Variants in WASHC3 observed in about 807,000 individuals in gnomAD.
WASHC3 encodes WASH complex subunit 3.
In WASHC3, 24 loss-of-function variants were observed where a neutral mutation model predicts 26.1. The observed-to-expected ratio is 0.92, with a 90% confidence interval of 0.66 to 1.29. WASHC3 has a LOEUF of 1.29. WASHC3 is among the 50% of genes most tolerant of loss of function. WASHC3 has a pLI of 0.00. For missense variants in WASHC3, 214 were observed against 229.6 expected (o/e 0.93, Z 0.44); for synonymous variants, 77 against 75.7 (o/e 1.02, Z -0.09).
At chr12:102,058,269 G>T (rs1204627388) in intron 2 of WASHC3, among the ~76,000 whole-genome samples, 4 of 151,994 alleles carry the variant, frequency 2.6e-5, no homozygotes, top group Admixed American at 1.3e-4. Flanking sequence ...AACACGAAAA[G>T]GATTCAAGAT....
At chr12:102,015,033 C>T (rs1174973306) in intron 6 of WASHC3, among the ~76,000 whole-genome samples, 5 of 152,098 alleles carry the variant, frequency 3.3e-5, no homozygotes, top group African/African-American at 9.7e-5. Context: ...CCAGGGATGT[C>T]GATTCATGCC....
At position 102,013,087 on chromosome 12, in the gene WASHC3, T is replaced by G. The variant is rs773159081; in HGVS notation, c.*21A>C. The G allele has an allele frequency of 9.5e-5, 105 of 1,111,064 alleles. No individual in the cohort carries two copies. Among genetic ancestry groups the G allele is most frequent in the Non-Finnish European group, 1.4e-4 (102 of 749,672 alleles). The allele number at this position is 1,111,064 out of a possible 1,614,324, so 68.8% of individuals were successfully genotyped here. A position where few individuals can be genotyped will look rare whatever the true frequency, so the allele number is the denominator to read the frequency against. ...AAATGTACCCCTATGCATGCATATG[T>G]AATTCTTATCAAAATTAAGCTTAAT... is the stretch of plus-strand genomic sequence containing the variant. On this transcript the variant is annotated 3_prime_UTR_variant, in exon 7 of 7. Transcript: ENST00000240079.
intron 6 of WASHC3, among the ~76,000 whole-genome samples, chr12:102,020,084 G>C (rs993713715): frequency 2.0e-5 from 3 of 152,142 alleles, no homozygotes; most frequent in East Asian, 1.9e-4. Flanking sequence ...TCGAGGAAAG[G>C]CACACAATTC....
intron 2 of WASHC3, among the ~76,000 whole-genome samples, chr12:102,051,898 AGTT>A (rs1878407593): frequency 6.6e-6 from 1 of 152,228 alleles, no homozygotes; most frequent in Admixed American, 6.5e-5. Flanking sequence ...AATAAATATT[AGTT>A]GTTATCTCAT....
intron 6 of WASHC3, among the ~76,000 whole-genome samples, chr12:102,017,387 G>GA (rs1421879374): frequency 6.6e-6 from 1 of 152,088 alleles, no homozygotes; most frequent in Non-Finnish European, 1.5e-5. Flanking sequence ...TGTGTGAAAA[G>GA]AAAAAATAGT....
intron 6 of WASHC3, among the ~76,000 whole-genome samples, chr12:102,025,345 G>C (rs1403024792): frequency 6.6e-6 from 1 of 151,846 alleles, no homozygotes; most frequent in Non-Finnish European, 1.5e-5. Context: ...GAAATAAACT[G>C]TTGTCAAATT....
intron 1 of WASHC3, among the ~76,000 whole-genome samples, chr12:102,061,596 AAC>A (rs1196965853): frequency 6.6e-6 from 1 of 152,180 alleles, no homozygotes; most frequent in Non-Finnish European, 1.5e-5. Flanking sequence ...ACCACACATA[AAC>A]ACACACAAAA....
intron 5 of WASHC3, among the ~76,000 whole-genome samples, chr12:102,037,121 T>C (rs1010794223): frequency 6.6e-6 from 1 of 152,304 alleles, no homozygotes; most frequent in South Asian, 2.1e-4. Flanking sequence ...CAGGAACTTA[T>C]ATTTTGGAAG....
At chr12:102,033,525 T>C (rs1054582382) in intron 5 of WASHC3, among the ~76,000 whole-genome samples, 4 of 152,248 alleles carry the variant, frequency 2.6e-5, no homozygotes, top group Non-Finnish European at 4.4e-5. Flanking sequence ...ACTCTTCTTA[T>C]GGGGCAGTAA....
At chr12:102,052,281 G>A (rs2136685519) in intron 2 of WASHC3, among the ~76,000 whole-genome samples, 1 of 152,328 alleles carries the variant, frequency 6.6e-6, no homozygotes, top group South Asian at 2.1e-4. Flanking sequence ...GGGCGAAGGA[G>A]AGGCAGTGAG....
rs934597883 is a variant in WASHC3, at chr12:102,033,360, A to G, written c.435+6508T>C. On this transcript the variant is annotated intron_variant, in intron 5 of 6. Coordinates refer to ENST00000240079, the MANE Select transcript of WASHC3 (RefSeq NM_016053.4). The stretch of plus-strand genomic sequence containing the variant: ...GTCTTGAAAAACACAATTCTATCCT[A>G]TTACAGAAGACAAAAATCGTTCTAA... 2.6e-5 allele frequency among the ~76,000 whole-genome samples: 4 copies of G among 152,204 alleles called. No homozygotes were observed. The East Asian group carries it at 7.7e-4, about 29-fold the overall frequency.
chr12:102,014,655 T>C (rs1366929541), intron 6 of WASHC3, among the ~76,000 whole-genome samples: 1 of 152,178 alleles, frequency 6.6e-6, no homozygotes, highest in African/African-American at 2.4e-5. Flanking sequence ...AATTTTAGAT[T>C]ATATCTACAA....
chr12:102,039,274 C>CT (rs374772365), intron 5 of WASHC3, among the ~76,000 whole-genome samples: 26 of 151,828 alleles, frequency 1.7e-4, no homozygotes, highest in African/African-American at 4.8e-4. Flanking sequence ...CTGCGCCAGG[C>CT]TTTAACTGTT....
At chr12:102,053,174 GCACCAGGCCCACCTTGGAACCTGGCCAGA>G (rs1878460878) in intron 2 of WASHC3, among the ~76,000 whole-genome samples, 1 of 151,634 alleles carries the variant, frequency 6.6e-6, no homozygotes, top group Non-Finnish European at 1.5e-5. Context: ...GGGGTTCCAA[GCACCAGGCCCACCTTGGAACCTGGCCAGA>G]CACTGCAGAC....
intron 2 of WASHC3, among the ~76,000 whole-genome samples, chr12:102,054,857 C>G (rs1431475361): frequency 6.6e-6 from 1 of 151,900 alleles, no homozygotes; most frequent in Non-Finnish European, 1.5e-5. Context: ...TATTTTGAGA[C>G]AAATGAAAAT....
intron 5 of WASHC3, among the ~76,000 whole-genome samples, chr12:102,034,126 T>C (rs1877551376): frequency 6.6e-6 from 1 of 152,122 alleles, no homozygotes; most frequent in Non-Finnish European, 1.5e-5. Context: ...CTCCTCCTTA[T>C]AGCCAGTGGT....
chr12:102,035,877 G>A (rs1023388034), intron 5 of WASHC3, among the ~76,000 whole-genome samples: 3 of 152,176 alleles, frequency 2.0e-5, no homozygotes, highest in African/African-American at 7.2e-5. Context: ...AACAAAAGGA[G>A]CTATTACTTC....
At chr12:102,027,587 ATTTAAT>A (rs1375277054) in intron 5 of WASHC3, among the ~76,000 whole-genome samples, 1 of 152,174 alleles carries the variant, frequency 6.6e-6, no homozygotes, top group Admixed American at 6.5e-5. Flanking sequence ...ATGTAAAAAA[ATTTAAT>A]TTTTATTTAC....
intron 2 of WASHC3, chr12:102,050,527 A>G (rs1878352534): frequency 4.5e-6 from 2 of 448,550 alleles, no homozygotes; most frequent in Non-Finnish European, 8.9e-6. Flanking sequence ...CCTATAGTCC[A>G]AGCTTCTAGG....
Sources: allele counts gnomAD v4.1 joint callset (sites outside exome capture counted in the v4.1 genomes callset), GRCh38; gene constraint gnomAD v4.1.1; transcripts MANE v1.5; gene names NCBI Gene and HGNC (gene_info 2026-07-23, HGNC 2026-07-21).